ITSN1: variants seen among roughly 807,000 people sequenced by gnomAD.
ITSN1 encodes the protein intersectin-1.
ITSN1 carries 58 observed loss-of-function variants against 239.8 expected under a neutral mutation model. That is an observed-to-expected ratio of 0.24 (90% CI 0.20 to 0.30). ITSN1 has a LOEUF of 0.30. Ranked by LOEUF, ITSN1 falls within the 10% of genes least tolerant of loss-of-function variation. The pLI is 1.00. For synonymous variants in ITSN1, 780 were observed against 770.8 expected (o/e 1.01, Z -0.20); for missense variants, 1,558 against 2,103.3 (o/e 0.74, Z 5.07).
chr21:33,746,043 C>T (rs1234803758), intron 5 of ITSN1, among the ~76,000 whole-genome samples: 2 of 152,202 alleles, frequency 1.3e-5, no homozygotes, highest in East Asian at 1.9e-4. Context: ...TCCGTCCCAT[C>T]ATTGGCTGAC....
intron 1 of ITSN1, among the ~76,000 whole-genome samples, chr21:33,674,584 A>C (rs1186981417): frequency 6.6e-6 from 1 of 152,230 alleles, no homozygotes; most frequent in Non-Finnish European, 1.5e-5. Context: ...TGTGCTCTCC[A>C]CAGACAATAG....
intron 16 of ITSN1, among the ~76,000 whole-genome samples, chr21:33,792,794 C>T (rs530845152): frequency 2.0e-4 from 30 of 152,294 alleles, no homozygotes; most frequent in African/African-American, 7.2e-4. Context: ...TTGTGCCTTA[C>T]AAAGGTACCT....
chr21:33,795,916 G>T (rs1474624019), intron 17 of ITSN1, among the ~76,000 whole-genome samples: 1 of 149,828 alleles, frequency 6.7e-6, no homozygotes, highest in Non-Finnish European at 1.5e-5. Context: ...CAGTATATAT[G>T]GTGACCTTCA....
intron 29 of ITSN1, among the ~76,000 whole-genome samples, chr21:33,848,099 C>T (rs2075040210): frequency 1.3e-5 from 2 of 152,260 alleles, no homozygotes; most frequent in Non-Finnish European, 2.9e-5. Flanking sequence ...AGCTCCGCAG[C>T]CAGCGCCTCC....
At chr21:33,831,957 GT>G (rs2074316927) in intron 27 of ITSN1, among the ~76,000 whole-genome samples, 1 of 152,132 alleles carries the variant, frequency 6.6e-6, no homozygotes, top group South Asian at 2.1e-4. Flanking sequence ...CCTGCTTAGA[GT>G]TGTGCTGTAT....
intron 21 of ITSN1, among the ~76,000 whole-genome samples, chr21:33,813,216 T>G (rs1161695419): frequency 6.6e-6 from 1 of 151,626 alleles, no homozygotes. Context: ...AGTCTTGCTC[T>G]GTCACCCAGG....
At chr21:33,767,531 T>G (rs2068808946) in intron 10 of ITSN1, among the ~76,000 whole-genome samples, 182 bp from the exon 11 acceptor site, 1 of 152,236 alleles carries the variant, frequency 6.6e-6, no homozygotes, top group Non-Finnish European at 1.5e-5. Context: ...TCTGATGACA[T>G]TCCAATATTC....
At chr21:33,694,378 ATTATT>A (rs1192221507) in intron 1 of ITSN1, among the ~76,000 whole-genome samples, 1 of 152,150 alleles carries the variant, frequency 6.6e-6, no homozygotes, top group African/African-American at 2.4e-5. Flanking sequence ...AACAGTTAAG[ATTATT>A]TAAGTTTTTA....
chr21:33,676,000 A>C (rs1160031725), intron 1 of ITSN1, among the ~76,000 whole-genome samples: 1 of 150,758 alleles, frequency 6.6e-6, no homozygotes, highest in Non-Finnish European at 1.5e-5. Context: ...TAAGTGTTTC[A>C]TAGAAGTGCC....
intron 1 of ITSN1, among the ~76,000 whole-genome samples, chr21:33,654,006 T>G (rs2088802839): frequency 6.6e-6 from 1 of 152,026 alleles, no homozygotes; most frequent in Non-Finnish European, 1.5e-5. Context: ...CTTGTTACCC[T>G]TTAATTCCTT....
At chr21:33,653,824 T>A (rs967113838) in intron 1 of ITSN1, among the ~76,000 whole-genome samples, 1 of 152,156 alleles carries the variant, frequency 6.6e-6, no homozygotes, top group Admixed American at 6.5e-5. Flanking sequence ...GCCCGGCCAA[T>A]GTCTTTCTTT....
At chr21:33,883,465 G>A in intron 35 of ITSN1, 85 bp from the exon 36 acceptor site, 1 of 1,553,972 alleles carries the variant, frequency 6.4e-7, no homozygotes. Flanking sequence ...GAACACATTG[G>A]CATAAGTGTG....
At chr21:33,759,115 A>AGGT (rs2068113319) in intron 8 of ITSN1, among the ~76,000 whole-genome samples, 1 of 152,244 alleles carries the variant, frequency 6.6e-6, no homozygotes, top group African/African-American at 2.4e-5. Flanking sequence ...TTAGGCTCAT[A>AGGT]GGTCATATGT....
At chr21:33,799,045 C>T (rs2071776943) in intron 18 of ITSN1, among the ~76,000 whole-genome samples, 1 of 152,124 alleles carries the variant, frequency 6.6e-6, no homozygotes. Flanking sequence ...AATACTTCCC[C>T]CTCGTTGCTT....
intron 22 of ITSN1, among the ~76,000 whole-genome samples, chr21:33,815,811 G>A (rs1479618838): frequency 6.6e-6 from 1 of 152,160 alleles, no homozygotes; most frequent in African/African-American, 2.4e-5. Context: ...GCATGATATT[G>A]TTCTCAGTGA....
chr21:33,800,252 A>G (rs999665484), intron 19 of ITSN1, among the ~76,000 whole-genome samples: 1 of 151,830 alleles, frequency 6.6e-6, no homozygotes, highest in Admixed American at 6.6e-5. Context: ...TGTAATACAT[A>G]TATTTTATAT....
intron 1 of ITSN1, among the ~76,000 whole-genome samples, chr21:33,715,646 C>T (rs987210544): frequency 3.3e-5 from 5 of 152,228 alleles, no homozygotes; most frequent in Non-Finnish European, 5.9e-5. Flanking sequence ...TAAAGGGAAT[C>T]TACAGTGAGA....
At chr21:33,654,589 G>C (rs1248166806) in intron 1 of ITSN1, among the ~76,000 whole-genome samples, 1 of 152,072 alleles carries the variant, frequency 6.6e-6, no homozygotes, top group Non-Finnish European at 1.5e-5. Flanking sequence ...CTACACAAAA[G>C]ACATAATACA....
chr21:33,845,562 C>T (rs1027600452), intron 29 of ITSN1, among the ~76,000 whole-genome samples: 3 of 152,088 alleles, frequency 2.0e-5, no homozygotes, highest in Non-Finnish European at 2.9e-5. Context: ...TTCTCCAGCC[C>T]TCTAACCTTC....
Sources: gnomAD v4.1 joint callset for allele counts (sites outside exome capture counted in the v4.1 genomes callset) on GRCh38, gnomAD v4.1.1 for gene constraint, MANE v1.5 for transcripts, NCBI Gene and HGNC (gene_info 2026-07-23, HGNC 2026-07-21) for gene names.